The following NCOA1 variants were observed in gnomAD, a reference collection of about 807,000 sequenced individuals.
NCOA1 encodes Hin-2 protein.
A neutral mutation model predicts 150.9 loss-of-function variants in NCOA1; 35 were observed. The ratio of observed to expected loss-of-function variants is 0.23; its 90% CI spans 0.18 to 0.31. The LOEUF (loss-of-function observed/expected upper bound fraction) is 0.31, where lower values mean the gene tolerates loss of function less well. Among genes scored for constraint, NCOA1 ranks in the 10% least tolerant of loss-of-function variants. NCOA1 has a pLI of 1.00. For missense variants in NCOA1, 1,491 were observed against 1,749.3 expected (o/e 0.85, Z 2.63); for synonymous variants, 590 against 630.0 (o/e 0.94, Z 0.95).
chr2:24,545,926 AT>A (rs1208150366), intron 1 of NCOA1, among the ~76,000 whole-genome samples: 3 of 152,102 alleles, frequency 2.0e-5, no homozygotes, highest in African/African-American at 2.4e-5. Context: ...AGTAGGTGGG[AT>A]TACAAGTGCA....
At chr2:24,553,005 A>G (rs1227430039) in intron 1 of NCOA1, among the ~76,000 whole-genome samples, 2 of 152,258 alleles carry the variant, frequency 1.3e-5, no homozygotes, top group East Asian at 3.9e-4. Context: ...CACTGTACTG[A>G]CAGTGTAATA....
intron 1 of NCOA1, among the ~76,000 whole-genome samples, chr2:24,502,433 A>C (rs994587503): frequency 1.3e-5 from 2 of 152,206 alleles, no homozygotes; most frequent in Non-Finnish European, 2.9e-5. Flanking sequence ...TTGGTCAAGC[A>C]AAGTGGTCCC....
chr2:24,736,461 C>T (rs914498285), intron 17 of NCOA1, among the ~76,000 whole-genome samples: 4 of 151,886 alleles, frequency 2.6e-5, no homozygotes, highest in Admixed American at 6.6e-5. Flanking sequence ...AACAAATGTA[C>T]GTATCTGACA....
chr2:24,608,457 TG>T (rs1266473939), intron 3 of NCOA1, among the ~76,000 whole-genome samples: 1 of 151,116 alleles, frequency 6.6e-6, no homozygotes, highest in Non-Finnish European at 1.5e-5. Context: ...TTAGTAGAGA[TG>T]GGGTTTCACC....
chr2:24,697,548 TTTA>T lies in NCOA1; in HGVS notation c.809-107_809-105del, dbSNP rs1672959062. 12 of 960,024 alleles carry T rather than the reference TTTA, an allele frequency of 1.2e-5. 1 individual carries two copies. The highest frequency in any genetic ancestry group is 3.2e-4 in the Middle Eastern group (1 of 3,162). The allele number at this position is 960,024 out of a possible 1,614,324, so 59.5% of individuals were successfully genotyped here. ...TTAATAGTGCTTTTTGATGCTTTTG[TTTA>T]TTGAGTATTTGGAAAGAATATTTCT... On this transcript the variant is annotated intron_variant, in intron 10 of 22. Coordinates refer to ENST00000348332, the MANE Select transcript of NCOA1 (RefSeq NM_003743.5).
At chr2:24,767,892 T>A (rs1665148570) in intron 22 of NCOA1, 1 of 537,882 alleles carries the variant, frequency 1.9e-6, no homozygotes, top group African/African-American at 1.9e-5. Flanking sequence ...TTTTAAAACC[T>A]ACCACTGGAT....
chr2:24,554,782 A>G (rs989761385), intron 1 of NCOA1, among the ~76,000 whole-genome samples: 2 of 152,196 alleles, frequency 1.3e-5, no homozygotes, highest in African/African-American at 2.4e-5. Flanking sequence ...AAGAATGGCA[A>G]CCATGCTGTG....
chr2:24,733,158 A>C (rs4640343), intron 17 of NCOA1, among the ~76,000 whole-genome samples: 8,211 of 152,314 alleles, frequency 0.054, 301 homozygotes, highest in Non-Finnish European at 0.076. Flanking sequence ...TGCCTGATTA[A>C]ATCAAGAAAT....
At chr2:24,557,929 G>GGT (rs1039394238) in intron 1 of NCOA1, among the ~76,000 whole-genome samples, 2 of 151,062 alleles carry the variant, frequency 1.3e-5, no homozygotes, top group African/African-American at 4.9e-5. Context: ...ATGTATGTTT[G>GGT]GTGTGTGTGC....
At chr2:24,667,151 CAGAT>C (rs1449274956) in intron 6 of NCOA1, among the ~76,000 whole-genome samples, 1 of 152,146 alleles carries the variant, frequency 6.6e-6, no homozygotes, top group South Asian at 2.1e-4. Context: ...AGCTGGAAAA[CAGAT>C]AGTCTAGTGA....
At chr2:24,671,629 C>T (rs1212958869) in intron 6 of NCOA1, among the ~76,000 whole-genome samples, 2 of 151,972 alleles carry the variant, frequency 1.3e-5, no homozygotes, top group Non-Finnish European at 2.9e-5. Context: ...TGCGGGATCT[C>T]GGCTCACTGC....
At chr2:24,658,881 TACTC>T (rs1248673817) in intron 5 of NCOA1, 115 bp downstream of exon 5, 1 of 879,790 alleles carries the variant, frequency 1.1e-6, no homozygotes, top group East Asian at 2.6e-5. Context: ...GAGTCTTTCA[TACTC>T]ACCATGTTGT....
At chr2:24,592,973 A>G (rs1309747310) in intron 3 of NCOA1, among the ~76,000 whole-genome samples, 1 of 152,042 alleles carries the variant, frequency 6.6e-6, no homozygotes, top group Non-Finnish European at 1.5e-5. Flanking sequence ...TTCTGGGCCA[A>G]TGGTGAGTGA....
chr2:24,767,774 A>G (rs1665142641), intron 22 of NCOA1: 1 of 294,892 alleles, frequency 3.4e-6, no homozygotes, highest in Non-Finnish European at 6.3e-6. Flanking sequence ...TGTTTTGCTA[A>G]TACTGGTTGA....
At chr2:24,507,216 G>T (rs1469140518) in intron 1 of NCOA1, among the ~76,000 whole-genome samples, 1 of 152,114 alleles carries the variant, frequency 6.6e-6, no homozygotes, top group Non-Finnish European at 1.5e-5. Flanking sequence ...AGGAGTATGG[G>T]CTCTGGAGCC....
At chr2:24,531,141 G>GA (rs1664867228) in intron 1 of NCOA1, among the ~76,000 whole-genome samples, 1 of 152,182 alleles carries the variant, frequency 6.6e-6, no homozygotes, top group Admixed American at 6.5e-5. Context: ...CTGTTGGTAG[G>GA]AATGTAGATT....
chr2:24,565,895 T>G (rs2148265739), intron 2 of NCOA1, among the ~76,000 whole-genome samples: 1 of 152,222 alleles, frequency 6.6e-6, no homozygotes, highest in African/African-American at 2.4e-5. Context: ...CACCAGGGAA[T>G]GCAGTGGCCC....
At chr2:24,663,154 G>C (rs991747979) in intron 5 of NCOA1, among the ~76,000 whole-genome samples, 1 of 152,044 alleles carries the variant, frequency 6.6e-6, no homozygotes, top group African/African-American at 2.4e-5. Context: ...CCTGTGATCT[G>C]ATCTGGACCA....
rs149490066 is a variant in NCOA1, at chr2:24,739,523, T to G, written c.3293T>G (p.Ile1098Ser). 7 of 1,612,482 alleles carry G rather than the reference T, an allele frequency of 4.3e-6. No homozygotes were observed. Among genetic ancestry groups the G allele is most frequent in the Non-Finnish European group, 5.9e-6 (7 of 1,178,560 alleles). ...INMRSGMQQQ[I>S]TPQPPLNAQM... ...ATGAGATCAGGCATGCAACAGCAAA[T>G]TACACCTCAGGTAATGTGAGAAAAC... The change falls in exon 18 of 23, where the codon ATT becomes AGT. Residue 1098 changes from isoleucine to serine, a missense_variant. Ile to Ser is a moderately radical substitution (Grantham distance 142). Transcript: ENST00000348332.
Sources: gnomAD v4.1 joint callset for allele counts (sites outside exome capture counted in the v4.1 genomes callset) on GRCh38, gnomAD v4.1.1 for gene constraint, MANE v1.5 for transcripts, NCBI Gene and HGNC (gene_info 2026-07-23, HGNC 2026-07-21) for gene names.